NKIRAS1: variants seen among roughly 807,000 people sequenced by gnomAD.
NKIRAS1 encodes NF-kappa-B inhibitor-interacting Ras-like protein 1.
A neutral mutation model predicts 19.8 loss-of-function variants in NKIRAS1; 16 were observed. The observed-to-expected ratio is 0.81, with a 90% CI of 0.55 to 1.23. NKIRAS1 has a LOEUF of 1.23. Ranked by LOEUF, NKIRAS1 falls within the 50% of genes most tolerant of loss-of-function variation. The pLI, the probability that NKIRAS1 is intolerant of heterozygous loss-of-function variation, is 0.00. For synonymous variants in NKIRAS1, 88 were observed against 79.0 expected (o/e 1.11, Z -0.61); for missense variants, 184 against 220.0 (o/e 0.84, Z 1.04).
rs184608578 is a variant in NKIRAS1, at chr3:23,932,585, G to T, written c.-140+13738C>A. ...TGCCTGTAATCCCAGCTGCTAGAGAGGCTGAGGCAGGAGAATTGCTTGAAC... is the reference window on the plus strand; with the variant it reads ...TGCCTGTAATCCCAGCTGCTAGAGATGCTGAGGCAGGAGAATTGCTTGAAC... On this transcript the variant is annotated intron_variant, in intron 1 of 4. Coordinates refer to the NKIRAS1 transcript ENST00000421515. 1.1e-4 allele frequency among the ~76,000 whole-genome samples: 17 copies of T among 151,882 alleles called. No individual in the cohort carries two copies. In the East Asian group the frequency reaches 2.9e-3, roughly 26 times the overall value.
At position 23,892,337 on chromosome 3, in the gene NKIRAS1, G is replaced by A. The variant is rs868374447; in HGVS notation, c.*758C>T. ...ACTAGTTTTCTAGAAAACTATTCCAGAAGATACAGTCTTCCTTCCAGAAAA... is the reference window on the plus strand; with the variant it reads ...ACTAGTTTTCTAGAAAACTATTCCAAAAGATACAGTCTTCCTTCCAGAAAA... On this transcript the variant is annotated 3_prime_UTR_variant, in exon 5 of 5. Transcript: ENST00000425478. The A allele has an allele frequency of 2.0e-5, 3 of 152,086 alleles. No individual in the cohort carries two copies. Among genetic ancestry groups the A allele is most frequent in the Non-Finnish European group, 1.5e-5 (1 of 68,032 alleles). The allele number at this position is 152,086 out of a possible 1,614,324, so 9.4% of individuals were successfully genotyped here. A position where few individuals can be genotyped will look rare whatever the true frequency, so the allele number is the denominator to read the frequency against.
chr3:23,944,221 C>T (rs1402114749), intron 1 of NKIRAS1, among the ~76,000 whole-genome samples: 1 of 152,106 alleles, frequency 6.6e-6, no homozygotes, highest in African/African-American at 2.4e-5. Context: ...TGCAGATTTA[C>T]CAAAACAGTA....
rs552007068 is a variant in NKIRAS1, at chr3:23,906,147, A to G, written c.94+4664T>C. The stretch of plus-strand genomic sequence containing the variant: ...GCACTCCACCCTGGGTGACAGAGCG[A>G]GACTCCGTCTCAAAAAAAAAAAAAA... On this transcript the variant is annotated intron_variant, in intron 3 of 4. Coordinates refer to ENST00000425478, the MANE Select transcript of NKIRAS1 (RefSeq NM_020345.4). 1.7e-3 allele frequency among the ~76,000 whole-genome samples: 223 copies of G among 133,440 alleles called. 1 individual carries two copies. Among genetic ancestry groups the G allele is most frequent in the African/African-American group, 6.4e-3 (221 of 34,794 alleles). The allele number at this position is 133,440 out of a possible 152,430, so 87.5% of individuals were successfully genotyped here.
At position 23,924,581 on chromosome 3, in the gene NKIRAS1, G is replaced by A. The variant is rs576423922; in HGVS notation, c.-139-13131C>T. On this transcript the variant is annotated intron_variant, in intron 1 of 4. Coordinates refer to the NKIRAS1 transcript ENST00000421515. ...CACTACTAATTTTTTTGTACTTTTAGTAGAGGCGGGTTTGCACCATGTTTG... is the reference window on the plus strand; with the variant it reads ...CACTACTAATTTTTTTGTACTTTTAATAGAGGCGGGTTTGCACCATGTTTG... Among the ~76,000 whole-genome samples, 8 of 152,156 alleles carry A rather than the reference G, an allele frequency of 5.3e-5. No individual in the cohort carries two copies. In the South Asian group the frequency reaches 1.7e-3, roughly 32 times the overall value.
At chr3:23,944,687 G>A (rs56865260) in intron 1 of NKIRAS1, among the ~76,000 whole-genome samples, 3,529 of 152,268 alleles carry the variant, frequency 0.023, 153 homozygotes, top group African/African-American at 0.081. Flanking sequence ...TAGAAGAGAG[G>A]TCTTGGCTTG....
intron 1 of NKIRAS1, among the ~76,000 whole-genome samples, chr3:23,932,998 G>A (rs1705342536): frequency 6.6e-6 from 1 of 152,128 alleles, no homozygotes; most frequent in Non-Finnish European, 1.5e-5. Flanking sequence ...CAAATCAGCT[G>A]ACTTTGAGAT....
chr3:23,898,635 G>A (rs1374466609), intron 4 of NKIRAS1, among the ~76,000 whole-genome samples: 2 of 151,906 alleles, frequency 1.3e-5, no homozygotes, highest in Non-Finnish European at 2.9e-5. Flanking sequence ...TAGTAGAGAC[G>A]GGGTTCCACC....
At chr3:23,945,460 G>C (rs1345743675) in intron 1 of NKIRAS1, 1 of 481,584 alleles carries the variant, frequency 2.1e-6, no homozygotes, top group African/African-American at 2.1e-5. Flanking sequence ...CTCTGCCCAT[G>C]AGGGGGCCCC....
Position 23,946,152 on chromosome 3 carries a change from A to G in NKIRAS1, c.-140+171T>C, listed in dbSNP as rs905779874. The G allele has an allele frequency of 1.8e-5, 18 of 984,858 alleles. No individual in the cohort carries two copies. In the African/African-American group the frequency reaches 2.8e-4, roughly 15 times the overall value. The allele number at this position is 984,858 out of a possible 1,614,324, so 61.0% of individuals were successfully genotyped here. The stretch of plus-strand genomic sequence containing the variant: ...TCCCCCGCGGGGTTGCACACTGCGG[A>G]GGAGGCCGCGCGTGCGCGCCCGCTG... On this transcript the variant is annotated intron_variant, in intron 1 of 4. Coordinates refer to the NKIRAS1 transcript ENST00000421515.
intron 1 of NKIRAS1, among the ~76,000 whole-genome samples, chr3:23,933,941 G>T (rs4858561): frequency 0.64 from 97,520 of 152,000 alleles, 31,500 homozygotes; most frequent in Middle Eastern, 0.73. Context: ...GGGCCAGGAC[G>T]CTTCAACATC....
chr3:23,905,342 T>C (rs1206529982), intron 3 of NKIRAS1, among the ~76,000 whole-genome samples: 1 of 152,222 alleles, frequency 6.6e-6, no homozygotes, highest in Non-Finnish European at 1.5e-5. Context: ...CTGTCCTCAA[T>C]GTTGTACTTT....
At chr3:23,936,754 G>A (rs1240110364) in intron 1 of NKIRAS1, among the ~76,000 whole-genome samples, 1 of 152,172 alleles carries the variant, frequency 6.6e-6, no homozygotes, top group Non-Finnish European at 1.5e-5. Flanking sequence ...CACTGTGTTA[G>A]CCAGGATGGT....
intron 1 of NKIRAS1, among the ~76,000 whole-genome samples, chr3:23,928,499 T>TG (rs1272207781): frequency 6.6e-6 from 1 of 151,906 alleles, no homozygotes; most frequent in Admixed American, 6.6e-5. Context: ...TGTTGCATCT[T>TG]GAAAAAAATG....
intron 1 of NKIRAS1, among the ~76,000 whole-genome samples, chr3:23,913,255 G>A (rs1209995300): frequency 1.3e-5 from 2 of 151,974 alleles, no homozygotes; most frequent in Admixed American, 6.6e-5. Flanking sequence ...ATGGGCAAAC[G>A]GTAAAAGTAA....
At chr3:23,903,859 C>T (rs1702757160) in intron 3 of NKIRAS1, among the ~76,000 whole-genome samples, 1 of 151,936 alleles carries the variant, frequency 6.6e-6, no homozygotes, top group Non-Finnish European at 1.5e-5. Context: ...TCTAAGTGTC[C>T]AATACAGTAA....
rs747509825 is a variant in NKIRAS1 at position 23,893,191 on chromosome 3, G to C, written c.483C>G (p.Phe161Leu). 6.2e-7 allele frequency: 1 copy of C among 1,613,900 alleles called. No homozygotes were observed. The highest frequency in any genetic ancestry group is 8.5e-7 in the Non-Finnish European group (1 of 1,179,952). The change falls in exon 5 of 5, where the codon TTC (phenylalanine) becomes TTG (leucine). Residue 161 changes from phenylalanine to leucine, a missense_variant. Phe to Leu is a conservative substitution (Grantham distance 22). Transcript: ENST00000425478. The stretch of plus-strand genomic sequence containing the variant: ...GAGAAAGTTTACTGGCTAATAAAGT[G>C]AATGGTTCAATCAGAGTTTTCCGAT... ...VTDRKTLIEPFTLLASKLSQP... is the reference protein window; with the variant it reads ...VTDRKTLIEPLTLLASKLSQP...
intron 4 of NKIRAS1, among the ~76,000 whole-genome samples, chr3:23,895,672 G>C (rs911920874): frequency 1.3e-5 from 2 of 152,080 alleles, no homozygotes; most frequent in African/African-American, 4.8e-5. Context: ...TCATACCACT[G>C]ATCTCAAATG....
Position 23,901,053 on chromosome 3 carries a change from G to A in NKIRAS1, c.95-4C>T, listed in dbSNP as rs373680850. On this transcript the variant is annotated splice_polypyrimidine_tract_variant and splice_region_variant and intron_variant, in intron 3 of 4. Transcript: ENST00000425478. ...ATTGTTTCGCAATCTTCCATTCCTG[G>A]GATTAAGAAAACAAATTACTCTTTT... 10 of 1,611,142 alleles carry A rather than the reference G, an allele frequency of 6.2e-6. No individual in the cohort carries two copies. The African/African-American group carries it at 1.1e-4, about 17-fold the overall frequency.
rs902778814 is a variant in NKIRAS1, at chr3:23,892,171, T to C, written c.*924A>G. The C allele has an allele frequency of 1.3e-5, 2 of 152,234 alleles. No homozygotes were observed. Among genetic ancestry groups the C allele is most frequent in the Admixed American group, 1.3e-4 (2 of 15,278 alleles). The allele number at this position is 152,234 out of a possible 1,614,324, so 9.4% of individuals were successfully genotyped here. A position where few individuals can be genotyped will look rare whatever the true frequency, so the allele number is the denominator to read the frequency against. On this transcript the variant is annotated 3_prime_UTR_variant, in exon 5 of 5. Transcript: ENST00000425478. The stretch of plus-strand genomic sequence containing the variant: ...CAGGTGAAACCACTAAGTAGCTTAC[T>C]TCCTACCTTTTAAATTAATAAAGTT...
Sources: allele counts gnomAD v4.1 joint callset (sites outside exome capture counted in the v4.1 genomes callset), GRCh38; gene constraint gnomAD v4.1.1; transcripts MANE v1.5; gene names NCBI Gene and HGNC (gene_info 2026-07-23, HGNC 2026-07-21).